The following MBOAT2 variants were observed in gnomAD, a reference collection of about 807,000 sequenced individuals.
The protein encoded by MBOAT2 is membrane-bound glycerophospholipid O-acyltransferase 2.
Under a neutral mutation model 63.4 loss-of-function variants are expected in MBOAT2, and 28 were observed. The ratio of observed to expected loss-of-function variants is 0.44; its 90% CI spans 0.33 to 0.61. The LOEUF is 0.61. Among genes scored for constraint, MBOAT2 ranks in the 20% least tolerant of loss-of-function variants. The probability of loss-of-function intolerance (pLI) is 0.03; values close to 1 mark genes in which losing one functional copy is unlikely to be tolerated. For missense variants in MBOAT2, 470 were observed against 605.8 expected (o/e 0.78, Z 2.35); for synonymous variants, 211 against 215.6 (o/e 0.98, Z 0.19).
In MBOAT2 at chr2:8,953,623, T is replaced by C. The variant is rs117852704; in HGVS notation, c.221+4874A>G. 4.8e-4 allele frequency among the ~76,000 whole-genome samples: 73 copies of C among 152,314 alleles called. 1 individual carries two copies. In the East Asian group the frequency reaches 0.011, roughly 22 times the overall value. On this transcript the variant is annotated intron_variant, in intron 2 of 12. Coordinates refer to ENST00000305997, the MANE Select transcript of MBOAT2 (RefSeq NM_138799.4). ...ACATAATCCCATATTTCCTGAAGAT[T>C]TTGTTCATTTATTAAAATTCTTTTT...
intron 4 of MBOAT2, among the ~76,000 whole-genome samples, chr2:8,893,758 C>T (rs1664199169): frequency 6.6e-6 from 1 of 152,200 alleles, no homozygotes; most frequent in Non-Finnish European, 1.5e-5. Flanking sequence ...TGAGGGAATG[C>T]ATTTCAAACA....
chr2:8,902,737 C>T (rs1483894833), intron 4 of MBOAT2, among the ~76,000 whole-genome samples: 1 of 152,216 alleles, frequency 6.6e-6, no homozygotes, highest in Admixed American at 6.5e-5. Flanking sequence ...AGGAGTAAAG[C>T]TGCAGACCTT....
At chr2:8,978,257 C>T (rs1670961592) in intron 1 of MBOAT2, among the ~76,000 whole-genome samples, 1 of 152,128 alleles carries the variant, frequency 6.6e-6, no homozygotes. Context: ...AAAGCTGACA[C>T]TTCCCCACCT....
intron 3 of MBOAT2, among the ~76,000 whole-genome samples, chr2:8,933,344 T>C (rs188017818): frequency 1.8e-4 from 27 of 152,286 alleles, no homozygotes; most frequent in Admixed American, 3.3e-4. Context: ...ATCCTGAAAA[T>C]TTTTTGGGTG....
rs1156596500 is a variant in MBOAT2, at chr2:8,910,810, TG to T, written c.300-2095del. On this transcript the variant is annotated intron_variant, in intron 3 of 12. Coordinates refer to ENST00000305997, the MANE Select transcript of MBOAT2 (RefSeq NM_138799.4). ...CTAATGGGCTTGTAAAATATTAGAC[TG>T]AAAAGGAGAGACAGTTCAAAATGAA... Among the ~76,000 whole-genome samples the T allele has an allele frequency of 2.6e-5, 4 of 152,262 alleles. No homozygotes were observed. The East Asian group carries it at 7.7e-4, about 29-fold the overall frequency.
chr2:8,927,161 G>A lies in MBOAT2; in HGVS notation c.299+16026C>T, dbSNP rs146837065. 2.9e-3 allele frequency among the ~76,000 whole-genome samples: 449 copies of A among 152,220 alleles called. 3 individuals carry two copies. The highest frequency in any genetic ancestry group is 0.014 in the Admixed American group (216 of 15,280). On this transcript the variant is annotated intron_variant, in intron 3 of 12. Coordinates refer to ENST00000305997, the MANE Select transcript of MBOAT2 (RefSeq NM_138799.4). ...AGCAGAAATGAGCAGGGCGAGACAC[G>A]GGGCAGGAACATTCTCTGCCCAGGG... is the stretch of plus-strand genomic sequence containing the variant.
At chr2:8,898,168 G>A (rs1375225062) in intron 4 of MBOAT2, among the ~76,000 whole-genome samples, 3 of 152,194 alleles carry the variant, frequency 2.0e-5, no homozygotes, top group Non-Finnish European at 2.9e-5. Flanking sequence ...ACAAAGAGAA[G>A]TTTTGTCCTG....
At chr2:8,986,349 G>A (rs1012704709) in intron 1 of MBOAT2, among the ~76,000 whole-genome samples, 1 of 152,048 alleles carries the variant, frequency 6.6e-6, no homozygotes, top group Non-Finnish European at 1.5e-5. Context: ...GCTGAGGCAG[G>A]CTGATCACTT....
intron 3 of MBOAT2, among the ~76,000 whole-genome samples, chr2:8,922,101 C>T (rs1337132991): frequency 6.6e-6 from 1 of 152,010 alleles, no homozygotes; most frequent in Admixed American, 6.6e-5. Context: ...TTGGCTAATA[C>T]CTTTGATATA....
chr2:8,881,801 C>G (rs1241985697), intron 6 of MBOAT2, among the ~76,000 whole-genome samples: 1 of 152,056 alleles, frequency 6.6e-6, no homozygotes, highest in Non-Finnish European at 1.5e-5. Context: ...AAGATGAATA[C>G]TTAGTGTAGT....
chr2:8,972,181 T>A (rs905981241), intron 1 of MBOAT2, among the ~76,000 whole-genome samples: 1 of 151,980 alleles, frequency 6.6e-6, no homozygotes, highest in African/African-American at 2.4e-5. Context: ...TATAGACCAA[T>A]GGAACAGAAC....
intron 3 of MBOAT2, among the ~76,000 whole-genome samples, chr2:8,942,106 A>G (rs1668094276): frequency 6.6e-6 from 1 of 152,242 alleles, no homozygotes; most frequent in Non-Finnish European, 1.5e-5. Context: ...AAACATCAGG[A>G]ACTTGTAAGG....
intron 7 of MBOAT2, among the ~76,000 whole-genome samples, chr2:8,874,563 G>C (rs181489906): frequency 7.2e-5 from 11 of 152,154 alleles, no homozygotes; most frequent in African/African-American, 2.7e-4. Flanking sequence ...ATATGGTGCT[G>C]CAACGAAAAT....
intron 4 of MBOAT2, 37 bp downstream of exon 4, chr2:8,908,584 G>A: frequency 8.3e-7 from 1 of 1,210,132 alleles, no homozygotes; most frequent in Non-Finnish European, 1.2e-6. Context: ...TGTTGGAATG[G>A]ATAAAACAGG....
rs1355951784 is a variant in MBOAT2 at position 8,951,990 on chromosome 2, T to C, written c.221+6507A>G. Among the ~76,000 whole-genome samples the C allele has an allele frequency of 9.2e-5, 14 of 152,234 alleles. No homozygotes were observed. In the East Asian group the frequency reaches 2.5e-3, roughly 27 times the overall value. Reference sequence around the variant, plus strand: ...GCTTTGAGGTTAGTTTGTTCTCGTTTTTCTAGTTCCTCTAGGTGTGATGTT... The same window carrying C: ...GCTTTGAGGTTAGTTTGTTCTCGTTCTTCTAGTTCCTCTAGGTGTGATGTT... On this transcript the variant is annotated intron_variant, in intron 2 of 12. Coordinates refer to ENST00000305997, the MANE Select transcript of MBOAT2 (RefSeq NM_138799.4).
chr2:9,001,008 A>AAC (rs1271491038), intron 1 of MBOAT2, among the ~76,000 whole-genome samples: 1 of 152,072 alleles, frequency 6.6e-6, no homozygotes, highest in Non-Finnish European at 1.5e-5. Flanking sequence ...CTAAGACACA[A>AAC]ACACACACAC....
At chr2:8,881,043 G>A (rs1663088999) in intron 6 of MBOAT2, among the ~76,000 whole-genome samples, 1 of 152,176 alleles carries the variant, frequency 6.6e-6, no homozygotes, top group East Asian at 1.9e-4. Flanking sequence ...CTGTTCAGGT[G>A]GTGGGGATGG....
rs368728484 is a variant in MBOAT2, at chr2:8,968,269, G to A, written c.76-9627C>T. Among the ~76,000 whole-genome samples, 10 of 152,196 alleles carry A rather than the reference G, an allele frequency of 6.6e-5. 1 individual carries two copies. Among genetic ancestry groups the A allele is most frequent in the East Asian group, 5.8e-4 (3 of 5,202 alleles). On this transcript the variant is annotated intron_variant, in intron 1 of 12. Transcript: ENST00000305997. ...CTGCTGCTAATACCCAGGAAAACAG[G>A]GTCTGGAGTGGACCTCCAGCAAACT... is the stretch of plus-strand genomic sequence containing the variant.
intron 2 of MBOAT2, among the ~76,000 whole-genome samples, chr2:8,948,320 G>T (rs1573135563): frequency 6.6e-6 from 1 of 152,170 alleles, no homozygotes; most frequent in East Asian, 1.9e-4. Context: ...GAACACTGTT[G>T]AAATAACAAC....
Sources: allele counts gnomAD v4.1 joint callset (sites outside exome capture counted in the v4.1 genomes callset), GRCh38; gene constraint gnomAD v4.1.1; transcripts MANE v1.5; gene names NCBI Gene and HGNC (gene_info 2026-07-23, HGNC 2026-07-21).